Variants in MTUS2 observed in about 807,000 individuals in gnomAD.
MTUS2 encodes microtubule associated scaffold protein 2, also known as microtubule-associated tumor suppressor candidate 2.
MTUS2 carries 40 observed loss-of-function variants against 114.1 expected under a neutral mutation model. That is an observed-to-expected ratio of 0.35 (90% CI 0.27 to 0.46). MTUS2 has a LOEUF of 0.46. MTUS2 is among the 20% of genes least tolerant of loss of function. The probability of loss-of-function intolerance (pLI) is 1.00; values close to 1 mark genes in which losing one functional copy is unlikely to be tolerated. For synonymous variants in MTUS2, 688 were observed against 672.0 expected, an observed-to-expected ratio of 1.02 and a Z score of -0.37; for missense variants, 1,679 against 1,705.4, an observed-to-expected ratio of 0.98 and a Z score of 0.27.
intron 4 of MTUS2, among the ~76,000 whole-genome samples, chr13:29,090,600 T>C (rs763203822): frequency 1.3e-5 from 2 of 152,100 alleles, no homozygotes; most frequent in African/African-American, 2.4e-5. Flanking sequence ...ACTATGGCAG[T>C]GGCTGCCAGC....
intron 2 of MTUS2, among the ~76,000 whole-genome samples, chr13:28,981,694 G>T (rs936510725): frequency 3.9e-5 from 6 of 152,160 alleles, no homozygotes; most frequent in Non-Finnish European, 2.9e-5. Flanking sequence ...GCTGAGTGGC[G>T]CTTGGCAATG....
Position 29,100,905 on chromosome 13 carries a change from TCTC to T in MTUS2, c.2583_2585del (p.Ser862del). On this transcript the variant is annotated inframe_deletion, in exon 5 of 16. Transcript: ENST00000612955. The stretch of plus-strand genomic sequence containing the variant: ...TTTGGCTTTGTCCGGAGCTCCAGCG[TCTC>T]CTCAGTCTCCAGCACCCAGTCCGGG... The T allele has an allele frequency of 6.4e-7, 1 of 1,573,028 alleles. No homozygotes were observed. The highest frequency in any genetic ancestry group is 1.8e-5 in the Admixed American group (1 of 54,136).
chr13:28,912,766 A>T (rs1200858918), intron 2 of MTUS2, among the ~76,000 whole-genome samples: 2 of 151,558 alleles, frequency 1.3e-5, no homozygotes, highest in Non-Finnish European at 2.9e-5. Flanking sequence ...AGGTATTTTT[A>T]TTCTTTTTGT....
At chr13:28,996,864 G>T (rs951866133) in intron 2 of MTUS2, among the ~76,000 whole-genome samples, 1 of 152,154 alleles carries the variant, frequency 6.6e-6, no homozygotes, top group South Asian at 2.1e-4. Flanking sequence ...TGGATTCATT[G>T]ATTTTTTTGA....
intron 5 of MTUS2, among the ~76,000 whole-genome samples, chr13:29,120,730 G>A (rs992907197): frequency 6.6e-6 from 1 of 152,198 alleles, no homozygotes; most frequent in Admixed American, 6.5e-5. Flanking sequence ...TAAAGGATGG[G>A]CTGATCCCCT....
At chr13:29,007,022 A>G (rs992746496) in intron 2 of MTUS2, among the ~76,000 whole-genome samples, 22 of 152,120 alleles carry the variant, frequency 1.4e-4, no homozygotes, top group African/African-American at 5.1e-4. Flanking sequence ...ATGTCCTGTT[A>G]TTTCAGCAAG....
At position 29,109,574 on chromosome 13, in the gene MTUS2, G is replaced by A. The variant is rs566084172; in HGVS notation, c.2644+8604G>A. On this transcript the variant is annotated intron_variant, in intron 5 of 15. Coordinates refer to ENST00000612955, the MANE Select transcript of MTUS2 (RefSeq NM_001033602.4). ...CAGTTTGCTAGCTTTGTGACTTTGG[G>A]CAAGTTGCTTAATTTTTCTCTGTTT... Among the ~76,000 whole-genome samples the A allele has an allele frequency of 2.4e-3, 366 of 152,162 alleles. 1 individual carries two copies. The highest frequency in any genetic ancestry group is 0.01 in the Middle Eastern group (3 of 294).
intron 5 of MTUS2, among the ~76,000 whole-genome samples, chr13:29,155,462 A>AT (rs1159298523): frequency 6.6e-6 from 1 of 152,214 alleles, no homozygotes; most frequent in African/African-American, 2.4e-5. Context: ...TCATTCAACA[A>AT]TGCATCACAC....
At chr13:29,247,283 TAAATC>T (rs1896961534) in intron 5 of MTUS2, among the ~76,000 whole-genome samples, 1 of 152,176 alleles carries the variant, frequency 6.6e-6, no homozygotes, top group Admixed American at 6.5e-5. Context: ...ATCAAAGACT[TAAATC>T]TAAGACCTGA....
At chr13:29,098,281 G>A (rs1890259758) in intron 4 of MTUS2, among the ~76,000 whole-genome samples, 1 of 152,182 alleles carries the variant, frequency 6.6e-6, no homozygotes, top group Non-Finnish European at 1.5e-5. Flanking sequence ...AAAGGAATAA[G>A]ACTTGCTTCT....
At chr13:29,353,935 A>G (rs1001673140) in intron 7 of MTUS2, among the ~76,000 whole-genome samples, 5 of 152,014 alleles carry the variant, frequency 3.3e-5, no homozygotes, top group Non-Finnish European at 7.4e-5. Flanking sequence ...TCTGGCTGAA[A>G]ATTTGAGGTC....
At chr13:28,857,690 T>C (rs547599594) in intron 2 of MTUS2, among the ~76,000 whole-genome samples, 4 of 152,352 alleles carry the variant, frequency 2.6e-5, no homozygotes, top group African/African-American at 9.6e-5. Context: ...ACTTTGATGA[T>C]CACTATGTAA....
rs566651332 is a variant in MTUS2, at chr13:29,204,490, A to G, written c.2645-77214A>G. On this transcript the variant is annotated intron_variant, in intron 5 of 15. Transcript: ENST00000612955. ...AAAGCACCTCCAGGCCTCTGGGACC[A>G]TCTCTCTCTGGATATGGGCATAGTC... is the stretch of plus-strand genomic sequence containing the variant. Among the ~76,000 whole-genome samples, 28 of 152,322 alleles carry G rather than the reference A, an allele frequency of 1.8e-4. No individual in the cohort carries two copies. The East Asian group carries it at 4.8e-3, about 26-fold the overall frequency.
intron 7 of MTUS2, among the ~76,000 whole-genome samples, chr13:29,355,340 A>C (rs958594645): frequency 1.3e-5 from 2 of 152,116 alleles, no homozygotes. Context: ...CATGGATTCT[A>C]TCTTCTCCTA....
At position 28,894,278 on chromosome 13, in the gene MTUS2, G is replaced by T. The variant is rs181133379; in HGVS notation, c.-243+54428G>T. On this transcript the variant is annotated intron_variant, in intron 2 of 15. Coordinates refer to ENST00000612955, the MANE Select transcript of MTUS2 (RefSeq NM_001033602.4). ...GTCCTTATAAGAAGAAGGAGAGTTG[G>T]TGGGGGGGGGGGAGAGAGAGAGAGA... 3.2e-3 allele frequency among the ~76,000 whole-genome samples: 195 copies of T among 60,528 alleles called. 3 individuals carry two copies. The highest frequency in any genetic ancestry group is 0.023 in the African/African-American group (164 of 7,082). The allele number at this position is 60,528 out of a possible 152,430, so 39.7% of individuals were successfully genotyped here.
chr13:28,940,263 TATG>T (rs139774789), intron 2 of MTUS2, among the ~76,000 whole-genome samples: 10,319 of 152,248 alleles, frequency 0.068, 516 homozygotes, highest in South Asian at 0.18. Flanking sequence ...GTTGTGTACA[TATG>T]ATGGAATATT....
chr13:29,403,927 T>A (rs1376647544), intron 8 of MTUS2, among the ~76,000 whole-genome samples: 1 of 152,082 alleles, frequency 6.6e-6, no homozygotes, highest in Non-Finnish European at 1.5e-5. Flanking sequence ...ATATATATAT[T>A]TATCCTTCCA....
intron 2 of MTUS2, among the ~76,000 whole-genome samples, chr13:28,985,217 T>G (rs188797189): frequency 6.6e-5 from 10 of 152,334 alleles, no homozygotes; most frequent in African/African-American, 2.4e-4. Context: ...GATTTTAACA[T>G]TAAGACAGAA....
chr13:29,263,016 C>T (rs907204422), intron 5 of MTUS2, among the ~76,000 whole-genome samples: 5 of 152,094 alleles, frequency 3.3e-5, no homozygotes, highest in African/African-American at 9.7e-5. Context: ...AGTCTAATGA[C>T]GGAAGGTAAA....
Sources: allele counts gnomAD v4.1 joint callset (sites outside exome capture counted in the v4.1 genomes callset), GRCh38; gene constraint gnomAD v4.1.1; transcripts MANE v1.5; gene names NCBI Gene and HGNC (gene_info 2026-07-23, HGNC 2026-07-21).